Variants in DGUOK observed in about 807,000 individuals in gnomAD.
DGUOK encodes the protein deoxyguanosine kinase.
A neutral mutation model predicts 36.6 loss-of-function variants in DGUOK; 30 were observed. The ratio of observed to expected loss-of-function variants is 0.82; its 90% confidence interval spans 0.61 to 1.11. The LOEUF is 1.11. DGUOK is among the 50% of genes most tolerant of loss of function. The pLI, the probability that DGUOK is intolerant of heterozygous loss-of-function variation, is 0.00. For synonymous variants in DGUOK, 145 were observed against 126.3 expected (o/e 1.15, Z -0.99); for missense variants, 361 against 336.4 (o/e 1.07, Z -0.57).
intron 1 of DGUOK, 107 bp downstream of exon 1, chr2:73,927,159 CTT>C (rs1680661813): frequency 3.4e-6 from 5 of 1,485,752 alleles, no homozygotes; most frequent in Admixed American, 3.7e-5. Flanking sequence ...CGGCCGGCCT[CTT>C]TTTCTGGGCT....
In DGUOK at chr2:73,927,011, C is replaced by T. The variant is rs139369863; in HGVS notation, c.101C>T (p.Ala34Val). ...GTTTCCTCCTCCAGAGGCCTGCACG[C>T]GGGGCGCGGGCCCCGAAGGCTCTCC... ...EGVSSSRGLH[A>V]GRGPRRLSIE... The change falls in exon 1 of 7, where the codon GCG becomes GTG. Residue 34 changes from alanine (A) to valine (V), a missense_variant. By Grantham distance (64) the Ala-to-Val change is moderately conservative. Coordinates refer to ENST00000264093, the MANE Select transcript of DGUOK (RefSeq NM_080916.3). The T allele has an allele frequency of 2.2e-5, 35 of 1,611,150 alleles. No homozygotes were observed. In the African/African-American group the frequency reaches 3.9e-4, roughly 18 times the overall value.
At chr2:73,938,820 A>C in intron 1 of DGUOK, 90 bp from the exon 2 acceptor site, 1 of 855,454 alleles carries the variant, frequency 1.2e-6, no homozygotes, top group Non-Finnish European at 2.0e-6. Flanking sequence ...TGTTCCCTTG[A>C]GTTTGGGCGT....
chr2:73,951,662 T>G (rs1682715281), intron 4 of DGUOK, among the ~76,000 whole-genome samples: 2 of 151,938 alleles, frequency 1.3e-5, no homozygotes, highest in South Asian at 4.2e-4. Context: ...GTGGGAGAGC[T>G]CCCATCACAG....
intron 2 of DGUOK, among the ~76,000 whole-genome samples, chr2:73,944,049 G>T (rs1192029607): frequency 6.6e-6 from 1 of 152,158 alleles, no homozygotes; most frequent in African/African-American, 2.4e-5. Context: ...GCTCACTGCA[G>T]CATTGCTTCT....
intron 1 of DGUOK, among the ~76,000 whole-genome samples, chr2:73,934,374 G>A (rs1358396224): frequency 2.0e-5 from 3 of 152,144 alleles, no homozygotes; most frequent in African/African-American, 7.2e-5. Flanking sequence ...TAACAACAGA[G>A]AACACTGGTG....
Position 73,958,738 on chromosome 2 carries a change from C to T in DGUOK, c.*2C>T. On this transcript the variant is annotated 3_prime_UTR_variant, in exon 7 of 7. Transcript: ENST00000264093. ...AACACCTTTGTAAAGAATCTGTAACCAATACCATGAAGTTCAGGCTGTGAT... is the reference window on the plus strand; with the variant it reads ...AACACCTTTGTAAAGAATCTGTAACTAATACCATGAAGTTCAGGCTGTGAT... 1 of 1,611,418 alleles carries T rather than the reference C, an allele frequency of 6.2e-7. No individual in the cohort carries two copies. The highest frequency in any genetic ancestry group is 8.5e-7 in the Non-Finnish European group (1 of 1,177,526).
At chr2:73,932,480 G>A (rs984350896) in intron 1 of DGUOK, 9 of 519,928 alleles carry the variant, frequency 1.7e-5, no homozygotes, top group African/African-American at 1.6e-4. Context: ...ACTCAGTACT[G>A]ACCAGATTCT....
At chr2:73,951,359 A>C (rs1478453993) in intron 4 of DGUOK, among the ~76,000 whole-genome samples, 1 of 151,636 alleles carries the variant, frequency 6.6e-6, no homozygotes, top group Non-Finnish European at 1.5e-5. Context: ...GCCCCTGGAG[A>C]CCTTTCCACT....
chr2:73,931,416 A>T (rs13429684), intron 1 of DGUOK, among the ~76,000 whole-genome samples: 4,593 of 152,290 alleles, frequency 0.03, 250 homozygotes, highest in African/African-American at 0.11. Flanking sequence ...CTGAGACTAC[A>T]GGCATGTGCC....
intron 4 of DGUOK, among the ~76,000 whole-genome samples, chr2:73,951,323 C>T (rs1412476330): frequency 6.6e-6 from 1 of 152,128 alleles, no homozygotes; most frequent in Non-Finnish European, 1.5e-5. Context: ...GCTGTGGCTT[C>T]TGCTGACTGG....
At chr2:73,938,767 C>G (rs771393394) in intron 1 of DGUOK, 143 bp from the exon 2 acceptor site, 28 of 689,304 alleles carry the variant, frequency 4.1e-5, no homozygotes, top group Non-Finnish European at 7.0e-5. Flanking sequence ...ATCAGTCTGA[C>G]AATGGTACGG....
chr2:73,941,390 T>G (rs1008116101), intron 2 of DGUOK, among the ~76,000 whole-genome samples: 1 of 152,208 alleles, frequency 6.6e-6, no homozygotes, highest in Non-Finnish European at 1.5e-5. Context: ...CTGGCATAAT[T>G]TGTTAGGCAG....
chr2:73,929,763 A>G (rs1324988522), intron 1 of DGUOK, among the ~76,000 whole-genome samples: 1 of 152,154 alleles, frequency 6.6e-6, no homozygotes, highest in African/African-American at 2.4e-5. Flanking sequence ...ACTTGAAAAG[A>G]ACAGTTTTAG....
intron 2 of DGUOK, among the ~76,000 whole-genome samples, chr2:73,940,845 A>T (rs1412938548): frequency 6.6e-6 from 1 of 152,198 alleles, no homozygotes; most frequent in African/African-American, 2.4e-5. Context: ...TATCCCATCT[A>T]GGTTTGTGTG....
intron 1 of DGUOK, among the ~76,000 whole-genome samples, chr2:73,927,524 C>T (rs1364544049): frequency 1.3e-5 from 2 of 152,164 alleles, no homozygotes; most frequent in African/African-American, 2.4e-5. Flanking sequence ...ATTGAAAGTT[C>T]AAATTTAACT....
intron 2 of DGUOK, among the ~76,000 whole-genome samples, chr2:73,942,768 T>A (rs1386723939): frequency 6.6e-6 from 1 of 152,192 alleles, no homozygotes; most frequent in East Asian, 1.9e-4. Flanking sequence ...AGTTTCCTTA[T>A]CTTGTTCTGT....
intron 2 of DGUOK, among the ~76,000 whole-genome samples, chr2:73,940,773 C>A (rs112650194): frequency 6.6e-6 from 1 of 152,146 alleles, no homozygotes; most frequent in Non-Finnish European, 1.5e-5. Flanking sequence ...CAGTAGCATG[C>A]GATACAGCTT....
At chr2:73,940,002 A>G (rs1449914962) in intron 2 of DGUOK, among the ~76,000 whole-genome samples, 1 of 151,276 alleles carries the variant, frequency 6.6e-6, no homozygotes, top group Admixed American at 6.6e-5. Flanking sequence ...CCTGGGTTCA[A>G]GTGATTCTCA....
rs1310741273 is a variant in DGUOK, at chr2:73,929,261, A to G, written c.142+2209A>G. 2.0e-5 allele frequency among the ~76,000 whole-genome samples: 3 copies of G among 152,166 alleles called. No homozygotes were observed. The East Asian group carries it at 5.8e-4, about 29-fold the overall frequency. ...GTAGCTGGATCCACAGGTGTTTGCC[A>G]CTATGCGTGGCTAATTTTGTATATT... On this transcript the variant is annotated intron_variant, in intron 1 of 6. Coordinates refer to ENST00000264093, the MANE Select transcript of DGUOK (RefSeq NM_080916.3).
Sources: gnomAD v4.1 joint callset for allele counts (sites outside exome capture counted in the v4.1 genomes callset) on GRCh38, gnomAD v4.1.1 for gene constraint, MANE v1.5 for transcripts, NCBI Gene and HGNC (gene_info 2026-07-23, HGNC 2026-07-21) for gene names.